The following ERC1 variants were observed in gnomAD, a reference collection of about 807,000 sequenced individuals.
ERC1 encodes the protein ELKS/RAB6-interacting/CAST family member 1.
ERC1 carries 56 observed loss-of-function variants against 132.0 expected under a neutral mutation model. The observed-to-expected ratio is 0.42, with a 90% CI of 0.34 to 0.53. The LOEUF is 0.53. Ranked by LOEUF, ERC1 falls within the 20% of genes least tolerant of loss-of-function variation. The pLI, the probability that ERC1 is intolerant of heterozygous loss-of-function variation, is 0.03. For missense variants in ERC1, 1,202 were observed against 1,349.9 expected, an observed-to-expected ratio of 0.89 and a Z score of 1.72; for synonymous variants, 478 against 476.1, an observed-to-expected ratio of 1.00 and a Z score of -0.05.
intron 3 of ERC1, among the ~76,000 whole-genome samples, chr12:1,091,694 C>G (rs1943243369): frequency 6.6e-6 from 1 of 152,180 alleles, no homozygotes; most frequent in Non-Finnish European, 1.5e-5. Context: ...GGAGAGAAAA[C>G]CATTCCACCG....
intron 12 of ERC1, among the ~76,000 whole-genome samples, chr12:1,208,801 G>C (rs989815595): frequency 6.6e-6 from 1 of 151,856 alleles, no homozygotes; most frequent in African/African-American, 2.4e-5. Flanking sequence ...GTTTTGTTTT[G>C]AGATGAGTCT....
intron 15 of ERC1, among the ~76,000 whole-genome samples, chr12:1,294,849 A>G (rs1003156806): frequency 6.6e-6 from 1 of 151,746 alleles, no homozygotes; most frequent in Non-Finnish European, 1.5e-5. Flanking sequence ...CATCTTTTTC[A>G]TTGTTCTCCA....
At chr12:1,339,047 C>T (rs1353869093) in intron 15 of ERC1, among the ~76,000 whole-genome samples, 3 of 152,238 alleles carry the variant, frequency 2.0e-5, no homozygotes, top group Non-Finnish European at 2.9e-5. Context: ...ACAGCAGCAG[C>T]GCAGCAGAGT....
intron 13 of ERC1, among the ~76,000 whole-genome samples, chr12:1,239,099 C>G (rs1235333969): frequency 6.6e-6 from 1 of 152,084 alleles, no homozygotes; most frequent in African/African-American, 2.4e-5. Context: ...AAGTATATTT[C>G]TGTTTGTTTA....
At chr12:997,481 T>A (rs1961170902) in intron 1 of ERC1, among the ~76,000 whole-genome samples, 1 of 152,222 alleles carries the variant, frequency 6.6e-6, no homozygotes, top group Admixed American at 6.5e-5. Flanking sequence ...GAGGTGCTTG[T>A]TGAGGATCTT....
Position 1,418,811 on chromosome 12 carries a change from CA to C in ERC1, c.3024+10566del, listed in dbSNP as rs143986537. Among the ~76,000 whole-genome samples, 864 of 151,638 alleles carry C rather than the reference CA, an allele frequency of 5.7e-3. 8 individuals are homozygous for C. The highest frequency in any genetic ancestry group is 0.02 in the African/African-American group (835 of 41,208). On this transcript the variant is annotated intron_variant, in intron 17 of 18. Transcript: ENST00000360905. ...TACCGTAGCCTCGGACTCATGGGCT[CA>C]AGGGATCCTCTTGCCTCAGACACCT...
chr12:1,192,608 C>G (rs1486874401), intron 12 of ERC1, among the ~76,000 whole-genome samples: 1 of 152,178 alleles, frequency 6.6e-6, no homozygotes, highest in African/African-American at 2.4e-5. Flanking sequence ...GGCTGTTTCT[C>G]AGAAAGCCAG....
At chr12:1,096,739 T>C (rs367720582) in intron 3 of ERC1, among the ~76,000 whole-genome samples, 115 of 152,294 alleles carry the variant, frequency 7.6e-4, no homozygotes, top group African/African-American at 2.6e-3. Flanking sequence ...ATGTAAGAAA[T>C]AGAATAAAAC....
intron 7 of ERC1, among the ~76,000 whole-genome samples, chr12:1,121,779 ATCTATC>A (rs1257637114): frequency 7.8e-4 from 4 of 5,108 alleles, no homozygotes; most frequent in Admixed American, 2.3e-3. Context: ...CTCTATCTCT[ATCTATC>A]TCTATCTCTA....
At chr12:1,192,904 G>C (rs1315010221) in intron 12 of ERC1, among the ~76,000 whole-genome samples, 3 of 152,162 alleles carry the variant, frequency 2.0e-5, no homozygotes, top group Non-Finnish European at 4.4e-5. Flanking sequence ...ATTGCTAGTT[G>C]TGATTGCTTT....
chr12:1,205,435 A>G (rs1230550140), intron 12 of ERC1, among the ~76,000 whole-genome samples: 1 of 151,358 alleles, frequency 6.6e-6, no homozygotes, highest in African/African-American at 2.4e-5. Context: ...ATATAGATAT[A>G]TATTTGCTGT....
At chr12:1,381,640 A>G (rs1314997990) in intron 16 of ERC1, among the ~76,000 whole-genome samples, 1 of 152,230 alleles carries the variant, frequency 6.6e-6, no homozygotes, top group Non-Finnish European at 1.5e-5. Context: ...CACTAAGATC[A>G]ACTAGATTGT....
chr12:1,397,953 T>G (rs568688523), intron 16 of ERC1, among the ~76,000 whole-genome samples: 23 of 152,318 alleles, frequency 1.5e-4, no homozygotes, highest in African/African-American at 5.3e-4. Flanking sequence ...TTTTTCTCTG[T>G]ACATCTCAGT....
chr12:1,171,783 G>A (rs750219965), intron 8 of ERC1, among the ~76,000 whole-genome samples: 6 of 152,156 alleles, frequency 3.9e-5, no homozygotes, highest in East Asian at 1.9e-4. Flanking sequence ...TCTCTTCTGC[G>A]TTTGCCCAGT....
chr12:1,283,791 A>G (rs1027932059), intron 14 of ERC1, among the ~76,000 whole-genome samples: 1 of 152,220 alleles, frequency 6.6e-6, no homozygotes, highest in Admixed American at 6.5e-5. Flanking sequence ...ACAATATGTA[A>G]TAGTTGTACG....
chr12:1,444,107 C>T (rs2154411016), intron 17 of ERC1: 1 of 152,656 alleles, frequency 6.6e-6, no homozygotes, highest in East Asian at 1.9e-4. Flanking sequence ...TTCTTCCATT[C>T]TAGGAGGTGG....
At chr12:1,039,121 G>A (rs918708617) in intron 2 of ERC1, among the ~76,000 whole-genome samples, 1 of 151,978 alleles carries the variant, frequency 6.6e-6, no homozygotes, top group African/African-American at 2.4e-5. Context: ...CGGATCACGA[G>A]GTCAGGAGAT....
At chr12:1,001,937 T>C (rs990164367) in intron 1 of ERC1, among the ~76,000 whole-genome samples, 1 of 146,208 alleles carries the variant, frequency 6.8e-6, no homozygotes, top group South Asian at 2.3e-4. Flanking sequence ...CTCTGCTTAC[T>C]GCAACCACCG....
chr12:1,076,583 C>T (rs1194889980), intron 2 of ERC1, among the ~76,000 whole-genome samples: 2 of 151,864 alleles, frequency 1.3e-5, no homozygotes, highest in Non-Finnish European at 2.9e-5. Context: ...TTGGTAGAAA[C>T]GGGGTTTCAC....
Sources: gnomAD v4.1 joint callset for allele counts (sites outside exome capture counted in the v4.1 genomes callset) on GRCh38, gnomAD v4.1.1 for gene constraint, MANE v1.5 for transcripts, NCBI Gene and HGNC (gene_info 2026-07-23, HGNC 2026-07-21) for gene names.